Variants in THSD7B observed in about 807,000 individuals in gnomAD.
THSD7B encodes thrombospondin type 1 domain containing 7B, also known as thrombospondin type-1 domain-containing protein 7B.
A neutral mutation model predicts 213.6 loss-of-function variants in THSD7B; 138 were observed. The observed-to-expected ratio is 0.65, with a 90% CI of 0.56 to 0.74. The LOEUF is 0.74. Among genes scored for constraint, THSD7B ranks in the 30% least tolerant of loss-of-function variants. The pLI is 0.00. For missense variants in THSD7B, 1,931 were observed against 1,991.5 expected, an observed-to-expected ratio of 0.97 and a Z score of 0.58; for synonymous variants, 742 against 687.0, an observed-to-expected ratio of 1.08 and a Z score of -1.25.
chr2:137,260,933 A>G (rs1682430422), intron 10 of THSD7B, among the ~76,000 whole-genome samples: 1 of 152,082 alleles, frequency 6.6e-6, no homozygotes. Flanking sequence ...TATTTGTTCA[A>G]CGATTATTTA....
At chr2:137,549,607 C>T (rs942025886) in intron 15 of THSD7B, among the ~76,000 whole-genome samples, 10 of 152,006 alleles carry the variant, frequency 6.6e-5, no homozygotes, top group African/African-American at 2.2e-4. Context: ...TCTACAGGCA[C>T]GGCATCATAC....
intron 12 of THSD7B, among the ~76,000 whole-genome samples, chr2:137,381,619 C>T (rs1286946671): frequency 6.6e-6 from 1 of 152,184 alleles, no homozygotes; most frequent in Non-Finnish European, 1.5e-5. Flanking sequence ...GCGGGGGCCT[C>T]CCCAGTGAGA....
intron 17 of THSD7B, among the ~76,000 whole-genome samples, chr2:137,584,576 T>A (rs1681671407): frequency 6.6e-6 from 1 of 152,216 alleles, no homozygotes; most frequent in Non-Finnish European, 1.5e-5. Flanking sequence ...AGGCCTTTTC[T>A]GCATCTATTG....
At chr2:136,848,225 G>T (rs895000519) in intron 1 of THSD7B, among the ~76,000 whole-genome samples, 1 of 152,144 alleles carries the variant, frequency 6.6e-6, no homozygotes, top group Admixed American at 6.6e-5. Flanking sequence ...GTCTCCTCAA[G>T]ATTTGGAAGC....
At chr2:137,404,472 TATACACACAC>T (rs1406129511) in intron 12 of THSD7B, among the ~76,000 whole-genome samples, 21 of 56,780 alleles carry the variant, frequency 3.7e-4, no homozygotes, top group African/African-American at 5.7e-4. Context: ...TATATATATA[TATACACACAC>T]ACACACACAC....
At chr2:137,646,505 A>T (rs1169477927) in intron 21 of THSD7B, among the ~76,000 whole-genome samples, 1 of 149,858 alleles carries the variant, frequency 6.7e-6, no homozygotes, top group Admixed American at 6.6e-5. Flanking sequence ...AAAAAAAAAA[A>T]GCTGAGTGTG....
chr2:136,915,294 A>C (rs1684331495), intron 2 of THSD7B, among the ~76,000 whole-genome samples: 2 of 152,224 alleles, frequency 1.3e-5, no homozygotes, highest in Admixed American at 6.5e-5. Flanking sequence ...GAGCGTAGAA[A>C]TAATCGGAGT....
intron 12 of THSD7B, among the ~76,000 whole-genome samples, chr2:137,404,119 T>C (rs1686439986): frequency 6.6e-6 from 1 of 152,092 alleles, no homozygotes; most frequent in African/African-American, 2.4e-5. Flanking sequence ...AGTAAAAATT[T>C]AAGCAAAATT....
chr2:137,351,306 T>C (rs1558766697), intron 12 of THSD7B, among the ~76,000 whole-genome samples: 2 of 151,904 alleles, frequency 1.3e-5, no homozygotes, highest in Non-Finnish European at 2.9e-5. Context: ...TAACATAGAG[T>C]ATTAAAAGTA....
At chr2:137,569,976 G>A (rs1681320875) in intron 16 of THSD7B, among the ~76,000 whole-genome samples, 2 of 151,802 alleles carry the variant, frequency 1.3e-5, no homozygotes, top group South Asian at 4.2e-4. Flanking sequence ...TAGTGTGCAG[G>A]CAGGAAGGGA....
In THSD7B at chr2:136,856,609, G is replaced by A. The variant is rs1652429; in HGVS notation, c.-35-25535G>A. The stretch of plus-strand genomic sequence containing the variant: ...GCTCACCAAAACCTCTGCCTCCTGG[G>A]TTCAAACAATTCTCCCTGCCTCAGC... On this transcript the variant is annotated intron_variant, in intron 1 of 27. Coordinates refer to ENST00000409968, the MANE Select transcript of THSD7B (RefSeq NM_001316349.2). Among the ~76,000 whole-genome samples, 530 of 152,002 alleles carry A rather than the reference G, an allele frequency of 3.5e-3. 3 individuals carry two copies. Among genetic ancestry groups the A allele is most frequent in the African/African-American group, 0.012 (492 of 41,438 alleles).
intron 2 of THSD7B, among the ~76,000 whole-genome samples, chr2:137,015,013 T>C (rs1359715985): frequency 6.6e-6 from 1 of 152,148 alleles, no homozygotes; most frequent in African/African-American, 2.4e-5. Context: ...GCCCCTCAGC[T>C]TGGTTCTGTT....
At chr2:136,967,944 C>A (rs977443541) in intron 2 of THSD7B, among the ~76,000 whole-genome samples, 2 of 152,150 alleles carry the variant, frequency 1.3e-5, no homozygotes, top group Non-Finnish European at 2.9e-5. Context: ...TATAGTATCA[C>A]GTCGCTGTAT....
chr2:137,412,308 T>A (rs1686675927), intron 14 of THSD7B, among the ~76,000 whole-genome samples: 1 of 151,976 alleles, frequency 6.6e-6, no homozygotes, highest in African/African-American at 2.4e-5. Flanking sequence ...TTAAAAGTTT[T>A]ACCGTATAAA....
intron 1 of THSD7B, among the ~76,000 whole-genome samples, chr2:136,791,481 A>G (rs1681963059): frequency 6.6e-6 from 1 of 151,880 alleles, no homozygotes; most frequent in Non-Finnish European, 1.5e-5. Flanking sequence ...AGCTATTTTC[A>G]TCATCCAAAA....
chr2:137,384,700 A>T (rs1685853913), intron 12 of THSD7B, among the ~76,000 whole-genome samples: 1 of 152,166 alleles, frequency 6.6e-6, no homozygotes, highest in Admixed American at 6.5e-5. Context: ...GCCTAGAGTG[A>T]CTTGGCAGAA....
chr2:137,623,079 A>G (rs1240300859), intron 20 of THSD7B, among the ~76,000 whole-genome samples: 1 of 152,232 alleles, frequency 6.6e-6, no homozygotes, highest in East Asian at 1.9e-4. Flanking sequence ...AAAATCCTCA[A>G]TAAAATACTG....
At chr2:137,417,926 A>G (rs1433503370) in intron 14 of THSD7B, among the ~76,000 whole-genome samples, 3 of 152,194 alleles carry the variant, frequency 2.0e-5, no homozygotes, top group Admixed American at 1.3e-4. Context: ...CAAATGACTC[A>G]TTGCCTAAAT....
chr2:137,130,831 A>G (rs1348112193), intron 5 of THSD7B, among the ~76,000 whole-genome samples: 23 of 122,422 alleles, frequency 1.9e-4, no homozygotes, highest in African/African-American at 5.5e-4. Flanking sequence ...TAGTGCCACA[A>G]TAAACATACG....
Sources: gnomAD v4.1 joint callset for allele counts (sites outside exome capture counted in the v4.1 genomes callset) on GRCh38, gnomAD v4.1.1 for gene constraint, MANE v1.5 for transcripts, NCBI Gene and HGNC (gene_info 2026-07-23, HGNC 2026-07-21) for gene names.